Variants in DEPP1 observed in about 807,000 individuals in gnomAD.
DEPP1 encodes DEPP autophagy regulator 1, also known as protein DEPP1.
For synonymous variants in DEPP1, 117 were observed against 113.6 expected (o/e 1.03, Z -0.19); for missense variants, 267 against 280.1 (o/e 0.95, Z 0.33).
chr10:44,977,189 G>A lies in DEPP1; in HGVS notation c.*203C>T, dbSNP rs1841469524. ...TCAGCCAGCAAGGGTCAGAGCGAAC[G>A]GGATTGGTAACATCTCCTCATGTGA... On this transcript the variant is annotated 3_prime_UTR_variant, in exon 2 of 2. Transcript: ENST00000298295. 7 of 593,494 alleles carry A rather than the reference G, an allele frequency of 1.2e-5. No individual in the cohort carries two copies. Among genetic ancestry groups the A allele is most frequent in the Admixed American group, 3.3e-5 (1 of 30,036 alleles). The allele number at this position is 593,494 out of a possible 1,614,324, so 36.8% of individuals were successfully genotyped here.
rs1013888771 is a variant in DEPP1, at chr10:44,976,501, T to G, written c.*891A>C. The stretch of plus-strand genomic sequence containing the variant: ...TCTCCTCTCTCTGTCCCTTCACCTC[T>G]GATCAGTCCCAGCCTGATTCCCGTT... On this transcript the variant is annotated 3_prime_UTR_variant, in exon 2 of 2. Coordinates refer to ENST00000298295, the MANE Select transcript of DEPP1 (RefSeq NM_007021.4). 6.6e-6 allele frequency: 1 copy of G among 152,438 alleles called. No homozygotes were observed. Among genetic ancestry groups the G allele is most frequent in the African/African-American group, 2.4e-5 (1 of 41,468 alleles). 9.4% of individuals were successfully genotyped at this position (152,438 alleles called of 1,614,324 possible). A position where few individuals can be genotyped will look rare whatever the true frequency, so the allele number is the denominator to read the frequency against.
intron 1 of DEPP1, 192 bp from the exon 2 acceptor site, chr10:44,978,247 T>A: frequency 1.8e-6 from 1 of 546,086 alleles, no homozygotes; most frequent in Non-Finnish European, 3.2e-6. Flanking sequence ...CCCAAAGGCT[T>A]AAGATTTTAT....
rs778827112 is a variant in DEPP1 at position 44,977,445 on chromosome 10, T to G, written c.586A>C (p.Ser196Arg). ...GAGTAGAGTGTTCTGAGGACACTGC[T>G]GGGGCGGGGGCGGTGGCGGGAGGCC... is the stretch of plus-strand genomic sequence containing the variant. ...AMASRHRPRP[S>R]SVLRTLYSHL... is the part of the protein sequence containing the mutation. The change falls in exon 2 of 2, where the codon AGC (serine) becomes CGC (arginine). Residue 196 changes from serine (S) to arginine (R), a missense_variant. Ser to Arg is a moderately radical substitution (Grantham distance 110). Transcript: ENST00000298295. 1 of 1,611,002 alleles carries G rather than the reference T, an allele frequency of 6.2e-7. No individual in the cohort carries two copies. Among genetic ancestry groups the G allele is most frequent in the East Asian group, 2.2e-5 (1 of 44,820 alleles).
chr10:44,977,632 C>T lies in DEPP1; in HGVS notation c.399G>A (p.Trp133Ter), dbSNP rs781700581. ...PRRTGPSAGL[W>*]GPHRQMDSSK... ...TGCTGTCCATCTGTCTATGTGGACC[C>T]CAGAGGCCAGCAGAGGGGCCAGTCC... Residue 133 changes from tryptophan to a stop codon, truncating the protein, a stop_gained, in exon 2 of 2, where the codon TGG becomes TGA. Transcript: ENST00000298295. LOFTEE classifies it low-confidence loss of function (END_TRUNC). The T allele has an allele frequency of 6.2e-7, 1 of 1,612,966 alleles. No homozygotes were observed. Among genetic ancestry groups the T allele is most frequent in the Non-Finnish European group, 8.5e-7 (1 of 1,179,686 alleles).
In DEPP1 at chr10:44,978,024, A is replaced by G. The variant is rs1284743080; in HGVS notation, c.7T>C (p.Ser3Pro). Residue 3 changes from serine to proline, a missense_variant, in exon 2 of 2, where the codon TCC (serine) becomes CCC (proline). By Grantham distance (74) the Ser-to-Pro change is moderately conservative (BLOSUM62 -1). Transcript: ENST00000298295. MR[S>P]RLLLSVAHLP... is the part of the protein sequence containing the mutation. ...TGGGCCACGGAGAGCAGAAGCCGGGACCTCATCACTCTGGCGAGAGGAGGT... is the reference window on the plus strand; with the variant it reads ...TGGGCCACGGAGAGCAGAAGCCGGGGCCTCATCACTCTGGCGAGAGGAGGT... 2 of 1,607,402 alleles carry G rather than the reference A, an allele frequency of 1.2e-6. No individual in the cohort carries two copies. Among genetic ancestry groups the G allele is most frequent in the Non-Finnish European group, 1.7e-6 (2 of 1,178,490 alleles).
In DEPP1 at chr10:44,977,792, A is replaced by G; in HGVS notation, c.239T>C (p.Val80Ala). The G allele has an allele frequency of 6.2e-7, 1 of 1,600,590 alleles. No individual in the cohort carries two copies. Among genetic ancestry groups the G allele is most frequent in the Non-Finnish European group, 8.5e-7 (1 of 1,172,622 alleles). ...AQACRKGRPAVSLRDITARFS... is the reference protein window; with the variant it reads ...AQACRKGRPAASLRDITARFS... ...ACGTGCGGTGATGTCTCGCAGGGACACAGCAGGGCGGCCCTTCCGGCAGGC... is the reference window on the plus strand; with the variant it reads ...ACGTGCGGTGATGTCTCGCAGGGACGCAGCAGGGCGGCCCTTCCGGCAGGC... The change falls in exon 2 of 2, where the codon GTG becomes GCG. Residue 80 changes from valine to alanine, a missense_variant. Physicochemically the swap from Val to Ala is moderately conservative, Grantham distance 64. Transcript: ENST00000298295.
rs1192572450 is a variant in DEPP1 at position 44,977,012 on chromosome 10, TC to T, written c.*379del. ...TACCCTCACACCCCTACCACCAGTT[TC>T]CCCACCAGCGATGATGGTAGCTACT... On this transcript the variant is annotated 3_prime_UTR_variant, in exon 2 of 2. Transcript: ENST00000298295. The T allele has an allele frequency of 2.4e-5, 4 of 167,064 alleles. No homozygotes were observed. The highest frequency in any genetic ancestry group is 9.5e-5 in the African/African-American group (4 of 42,022). The allele number at this position is 167,064 out of a possible 1,614,324, so 10.3% of individuals were successfully genotyped here. A position where few individuals can be genotyped will look rare whatever the true frequency, so the allele number is the denominator to read the frequency against.
intron 1 of DEPP1, 59 bp from the exon 2 acceptor site, chr10:44,978,114 C>T (rs548943449): frequency 2.1e-5 from 31 of 1,480,136 alleles, no homozygotes; most frequent in South Asian, 3.7e-5. Context: ...CGCCCCTCAG[C>T]GTCACCACAC....
At position 44,977,952 on chromosome 10, in the gene DEPP1, G is replaced by A. The variant is rs1251282664; in HGVS notation, c.79C>T (p.Pro27Ser). 2.0e-5 allele frequency: 33 copies of A among 1,612,014 alleles called. No individual in the cohort carries two copies. The East Asian group carries it at 7.1e-4, about 35-fold the overall frequency. ...ETTEEMLLGG[P>S]GQEPPPSPSL... ...GGAGAGGGTGGGGGCTCCTGTCCAG[G>A]ACCCCCAAGCAGCATCTCCTCCGTG... The change falls in exon 2 of 2, where the codon CCT becomes TCT. Residue 27 changes from proline to serine, a missense_variant. Pro to Ser is a moderately conservative substitution (Grantham distance 74). Coordinates refer to ENST00000298295, the MANE Select transcript of DEPP1 (RefSeq NM_007021.4).
At position 44,977,848 on chromosome 10, in the gene DEPP1, GC is replaced by G. The variant is rs1564459042; in HGVS notation, c.182del (p.Gly61AlafsTer115). 6.2e-7 allele frequency: 1 copy of G among 1,609,380 alleles called. No homozygotes were observed. Among genetic ancestry groups the G allele is most frequent in the South Asian group, 1.1e-5 (1 of 90,832 alleles). On this transcript the variant is annotated frameshift_variant, in exon 2 of 2. Coordinates refer to ENST00000298295, the MANE Select transcript of DEPP1 (RefSeq NM_007021.4). LOFTEE classifies it low-confidence loss of function (END_TRUNC). The part of the protein sequence containing the change: ...TSVLDKATAQ[G>X]QPRPPHRPAQ... ...CTGGCCTGTGGGGTGGCCTGGGTTG[GC>G]CCTGGGCCGTGGCCTTGTCCAGCAC...
In DEPP1 at chr10:44,977,252, C is replaced by T. The variant is rs1320232589; in HGVS notation, c.*140G>A. On this transcript the variant is annotated 3_prime_UTR_variant, in exon 2 of 2. Transcript: ENST00000298295. ...TCATATTCAGAGGGGGTCGGTCTCA[C>T]TGTGAACTGCCCAAGCAGGGGCCTC... The T allele has an allele frequency of 2.6e-6, 3 of 1,143,986 alleles. No homozygotes were observed. Among genetic ancestry groups the T allele is most frequent in the East Asian group, 2.4e-5 (1 of 41,888 alleles). 70.9% of individuals were successfully genotyped at this position (1,143,986 alleles called of 1,614,324 possible). A position where few individuals can be genotyped will look rare whatever the true frequency, so the allele number is the denominator to read the frequency against.
chr10:44,977,903 G>T lies in DEPP1; in HGVS notation c.128C>A (p.Ser43Tyr). ...GGTGGGCTGTGCCAGTCGAGATATA[G>T]ACCTCACGTAGTCATCCAGGCTAGG... ...PSPSLDDYVR[S>Y]ISRLAQPTSV... Residue 43 changes from serine to tyrosine, a missense_variant, in exon 2 of 2, where the codon TCT becomes TAT. Transcript: ENST00000298295. 6.2e-7 allele frequency: 1 copy of T among 1,612,708 alleles called. No homozygotes were observed. The highest frequency in any genetic ancestry group is 1.7e-5 in the Admixed American group (1 of 59,956).
In DEPP1 at chr10:44,977,320, G is replaced by T; in HGVS notation, c.*72C>A. Reference sequence around the variant, plus strand: ...CTTTCAGAGACCTGCCAGGGGCAGTGACCACCATGGAGGAGACGAGAGGAG... The same window carrying T: ...CTTTCAGAGACCTGCCAGGGGCAGTTACCACCATGGAGGAGACGAGAGGAG... On this transcript the variant is annotated 3_prime_UTR_variant, in exon 2 of 2. Transcript: ENST00000298295. 3 of 1,497,392 alleles carry T rather than the reference G, an allele frequency of 2.0e-6. No individual in the cohort carries two copies. In the South Asian group the frequency reaches 4.2e-5, roughly 21 times the overall value. 92.8% of individuals were successfully genotyped at this position (1,497,392 alleles called of 1,614,324 possible).
Position 44,977,935 on chromosome 10 carries a change from T to TG in DEPP1, c.95dup (p.Pro33ThrfsTer4). On this transcript the variant is annotated frameshift_variant, in exon 2 of 2. Coordinates refer to ENST00000298295, the MANE Select transcript of DEPP1 (RefSeq NM_007021.4). LOFTEE classifies it low-confidence loss of function (END_TRUNC). The stretch of plus-strand genomic sequence containing the variant: ...CGTAGTCATCCAGGCTAGGAGAGGG[T>TG]GGGGGCTCCTGTCCAGGACCCCCAA... The TG allele has an allele frequency of 6.2e-7, 1 of 1,612,352 alleles. No individual in the cohort carries two copies.
Position 44,977,435 on chromosome 10 carries a change from A to AGGACACT in DEPP1, c.589_595dup (p.Leu199GlnfsTer15). On this transcript the variant is annotated frameshift_variant, in exon 2 of 2. Coordinates refer to ENST00000298295, the MANE Select transcript of DEPP1 (RefSeq NM_007021.4). LOFTEE classifies it high-confidence loss of function. ...CGGGAGGTGCGAGTAGAGTGTTCTG[A>AGGACACT]GGACACTGCTGGGGCGGGGGCGGTG... is the stretch of plus-strand genomic sequence containing the variant. The AGGACACT allele has an allele frequency of 3.1e-6, 5 of 1,609,324 alleles. No homozygotes were observed. Among genetic ancestry groups the AGGACACT allele is most frequent in the Non-Finnish European group, 4.2e-6 (5 of 1,177,672 alleles).
In DEPP1 at chr10:44,976,525, T is replaced by A. The variant is rs1841433633; in HGVS notation, c.*867A>T. 6.6e-6 allele frequency: 1 copy of A among 152,558 alleles called. No homozygotes were observed. Among genetic ancestry groups the A allele is most frequent in the Non-Finnish European group, 1.5e-5 (1 of 68,284 alleles). The allele number at this position is 152,558 out of a possible 1,614,324, so 9.5% of individuals were successfully genotyped here. A position where few individuals can be genotyped will look rare whatever the true frequency, so the allele number is the denominator to read the frequency against. Reference sequence around the variant, plus strand: ...CTGATCAGTCCCAGCCTGATTCCCGTTCCCTGATGCCTCACCTTCTTGCTG... The same window carrying A: ...CTGATCAGTCCCAGCCTGATTCCCGATCCCTGATGCCTCACCTTCTTGCTG... On this transcript the variant is annotated 3_prime_UTR_variant, in exon 2 of 2. Coordinates refer to ENST00000298295, the MANE Select transcript of DEPP1 (RefSeq NM_007021.4).
rs1394372651 is a variant in DEPP1, at chr10:44,976,853, T to A, written c.*539A>T. 6.6e-6 allele frequency: 1 copy of A among 152,558 alleles called. No individual in the cohort carries two copies. The highest frequency in any genetic ancestry group is 1.9e-4 in the East Asian group (1 of 5,188). The allele number at this position is 152,558 out of a possible 1,614,324, so 9.5% of individuals were successfully genotyped here. On this transcript the variant is annotated 3_prime_UTR_variant, in exon 2 of 2. Coordinates refer to ENST00000298295, the MANE Select transcript of DEPP1 (RefSeq NM_007021.4). ...CCAGGTGACAGTCCCCCGGAATACA[T>A]TAGTGCATTTGCTAAGACTCCATGT...
chr10:44,977,287 G>A lies in DEPP1; in HGVS notation c.*105C>T. 2 of 1,427,056 alleles carry A rather than the reference G, an allele frequency of 1.4e-6. No individual in the cohort carries two copies. Among genetic ancestry groups the A allele is most frequent in the Non-Finnish European group, 1.9e-6 (2 of 1,059,576 alleles). 88.4% of individuals were successfully genotyped at this position (1,427,056 alleles called of 1,614,324 possible). ...CCCAAGCAGGGGCCTCTGCAGAAAA[G>A]CATTTCCCTTTCAGAGACCTGCCAG... is the stretch of plus-strand genomic sequence containing the variant. On this transcript the variant is annotated 3_prime_UTR_variant, in exon 2 of 2. Coordinates refer to ENST00000298295, the MANE Select transcript of DEPP1 (RefSeq NM_007021.4).
Position 44,977,984 on chromosome 10 carries a change from C to T in DEPP1, c.47G>A (p.Arg16Gln), listed in dbSNP as rs149255069. ...LLSVAHLPTIRETTEEMLLGG... is the reference protein window; with the variant it reads ...LLSVAHLPTIQETTEEMLLGG... ...AAGCAGCATCTCCTCCGTGGTCTCC[C>T]GAATTGTGGGCAGATGGGCCACGGA... Residue 16 changes from arginine (R) to glutamine (Q), a missense_variant, in exon 2 of 2, where the codon CGG (arginine) becomes CAG (glutamine). Coordinates refer to ENST00000298295, the MANE Select transcript of DEPP1 (RefSeq NM_007021.4). 519 of 1,611,888 alleles carry T rather than the reference C, an allele frequency of 3.2e-4. 4 individuals carry two copies. The highest frequency in any genetic ancestry group is 3.2e-3 in the African/African-American group (239 of 74,936).
Sources: allele counts gnomAD v4.1 joint callset, GRCh38; gene constraint gnomAD v4.1.1; transcripts MANE v1.5; gene names NCBI Gene and HGNC (gene_info 2026-07-23, HGNC 2026-07-21).